SPIDR: variants seen among roughly 807,000 people sequenced by gnomAD.
The protein encoded by SPIDR is scaffold protein involved in DNA repair.
In SPIDR, 93 loss-of-function variants were observed where a neutral mutation model predicts 104.6. That is an observed-to-expected ratio of 0.89 (90% confidence interval 0.75 to 1.06). The LOEUF is 1.06. SPIDR is among the 50% of genes least tolerant of loss of function. The probability of loss-of-function intolerance (pLI) is 0.00; values close to 1 mark genes in which losing one functional copy is unlikely to be tolerated. For synonymous variants in SPIDR, 431 were observed against 416.9 expected (o/e 1.03, Z -0.41); for missense variants, 1,154 against 1,111.2 (o/e 1.04, Z -0.55).
At chr8:47,604,429 G>T (rs1050659155) in intron 10 of SPIDR, among the ~76,000 whole-genome samples, 1 of 152,210 alleles carries the variant, frequency 6.6e-6, no homozygotes. Flanking sequence ...GAATGAGGTT[G>T]CCCTGCTTGA....
chr8:47,550,370 T>A (rs1027251617), intron 8 of SPIDR, among the ~76,000 whole-genome samples: 2 of 152,202 alleles, frequency 1.3e-5, no homozygotes, highest in African/African-American at 4.8e-5. Context: ...ATGGCCATTT[T>A]CACGATATTG....
chr8:47,592,671 T>A, intron 8 of SPIDR: 1 of 794,586 alleles, frequency 1.3e-6, no homozygotes, highest in Non-Finnish European at 2.1e-6. Flanking sequence ...CACGCACGAG[T>A]AGAAGTCCTC....
At chr8:47,614,387 A>C (rs994778641) in intron 10 of SPIDR, among the ~76,000 whole-genome samples, 2 of 151,974 alleles carry the variant, frequency 1.3e-5, no homozygotes, top group African/African-American at 2.4e-5. Context: ...ATGCCTGGCT[A>C]ATTTTTTTTG....
intron 5 of SPIDR, among the ~76,000 whole-genome samples, chr8:47,349,899 G>T (rs1375916234): frequency 6.6e-6 from 1 of 152,222 alleles, no homozygotes; most frequent in Non-Finnish European, 1.5e-5. Context: ...GCTAGGAAAG[G>T]GAATTCCCTG....
chr8:47,529,367 G>A (rs547489777), intron 8 of SPIDR, among the ~76,000 whole-genome samples: 4 of 151,934 alleles, frequency 2.6e-5, no homozygotes, highest in Non-Finnish European at 5.9e-5. Flanking sequence ...GCAGTGAGCC[G>A]AGATCACATC....
At chr8:47,359,232 G>A (rs555217102) in intron 5 of SPIDR, among the ~76,000 whole-genome samples, 2 of 141,890 alleles carry the variant, frequency 1.4e-5, no homozygotes, top group South Asian at 2.2e-4. Context: ...CGGCCTGGGC[G>A]ACAGAGCGAG....
chr8:47,455,526 C>T (rs1233167579), intron 8 of SPIDR, among the ~76,000 whole-genome samples: 1 of 151,842 alleles, frequency 6.6e-6, no homozygotes, highest in Admixed American at 6.6e-5. Flanking sequence ...AATTTCTTCT[C>T]TATTGATAAT....
intron 11 of SPIDR, among the ~76,000 whole-genome samples, chr8:47,684,248 T>G (rs1038276113): frequency 2.6e-5 from 4 of 152,042 alleles, no homozygotes; most frequent in African/African-American, 9.7e-5. Flanking sequence ...CAAAAGTGAC[T>G]TTATTCTTCC....
At chr8:47,652,554 T>A (rs973230776) in intron 10 of SPIDR, among the ~76,000 whole-genome samples, 5 of 152,244 alleles carry the variant, frequency 3.3e-5, no homozygotes, top group African/African-American at 7.2e-5. Flanking sequence ...TCTGCTGTCT[T>A]AAGTACAGTA....
intron 8 of SPIDR, among the ~76,000 whole-genome samples, chr8:47,591,365 A>G (rs1482027447): frequency 6.6e-5 from 10 of 151,554 alleles, no homozygotes; most frequent in Admixed American, 6.6e-4. Flanking sequence ...ACTGGGTCAA[A>G]ATTTTACCAG....
At chr8:47,709,694 C>G (rs73571459) in intron 14 of SPIDR, among the ~76,000 whole-genome samples, 1 of 152,096 alleles carries the variant, frequency 6.6e-6, no homozygotes, top group Non-Finnish European at 1.5e-5. Flanking sequence ...TTGTTCATAA[C>G]CCCAATAGTA....
chr8:47,609,371 T>G (rs542166681), intron 10 of SPIDR, among the ~76,000 whole-genome samples: 4 of 152,358 alleles, frequency 2.6e-5, no homozygotes, highest in Non-Finnish European at 5.9e-5. Flanking sequence ...ATTTTATAGC[T>G]TTTGCCCTTA....
chr8:47,651,351 TC>T (rs2071587198), intron 10 of SPIDR, among the ~76,000 whole-genome samples: 2 of 152,136 alleles, frequency 1.3e-5, no homozygotes, highest in Admixed American at 6.5e-5. Flanking sequence ...GAAAAAATGC[TC>T]AACATCACTA....
intron 5 of SPIDR, among the ~76,000 whole-genome samples, chr8:47,380,622 A>C (rs2059221469): frequency 6.6e-6 from 1 of 151,966 alleles, no homozygotes; most frequent in African/African-American, 2.4e-5. Flanking sequence ...CGATAGGTGG[A>C]GGGGGCTTCT....
chr8:47,580,792 G>A (rs1488599983), intron 8 of SPIDR, among the ~76,000 whole-genome samples: 2 of 152,142 alleles, frequency 1.3e-5, no homozygotes, highest in Non-Finnish European at 1.5e-5. Context: ...ATGTGAATGT[G>A]TGTTTATCCA....
intron 10 of SPIDR, among the ~76,000 whole-genome samples, chr8:47,600,938 A>G (rs979557735): frequency 2.0e-5 from 3 of 152,214 alleles, no homozygotes; most frequent in African/African-American, 7.2e-5. Context: ...TCCTATGACT[A>G]ATCACAACCA....
At chr8:47,403,153 AG>A (rs1554664578) in intron 6 of SPIDR, among the ~76,000 whole-genome samples, 4 of 152,208 alleles carry the variant, frequency 2.6e-5, no homozygotes, top group Non-Finnish European at 5.9e-5. Flanking sequence ...AAATTGCAAC[AG>A]CCCTTCATGC....
intron 8 of SPIDR, among the ~76,000 whole-genome samples, chr8:47,580,083 G>A (rs752198842): frequency 5.9e-5 from 9 of 152,204 alleles, no homozygotes; most frequent in Non-Finnish European, 7.3e-5. Flanking sequence ...TAAGAGCATA[G>A]CAAGTGAATT....
intron 8 of SPIDR, among the ~76,000 whole-genome samples, chr8:47,471,877 C>T (rs1407378986): frequency 2.6e-5 from 4 of 152,146 alleles, no homozygotes; most frequent in Admixed American, 6.5e-5. Context: ...ACTTAGTTCT[C>T]ATATTAGGAA....
Sources: gnomAD v4.1 joint callset for allele counts (sites outside exome capture counted in the v4.1 genomes callset) on GRCh38, gnomAD v4.1.1 for gene constraint, MANE v1.5 for transcripts, NCBI Gene and HGNC (gene_info 2026-07-23, HGNC 2026-07-21) for gene names.